CNTN4: variants seen among roughly 807,000 people sequenced by gnomAD.
CNTN4 encodes contactin 4.
CNTN4 carries 77 observed loss-of-function variants against 122.5 expected under a neutral mutation model. That is an observed-to-expected ratio of 0.63 (90% CI 0.52 to 0.76). CNTN4 has a LOEUF of 0.76. Among genes scored for constraint, CNTN4 ranks in the 30% least tolerant of loss-of-function variants. The pLI is 0.00. For missense variants in CNTN4, 1,256 were observed against 1,259.1 expected (o/e 1.00, Z 0.04); for synonymous variants, 512 against 447.0 (o/e 1.15, Z -1.83).
chr3:2,912,864 A>T (rs952629745), intron 12 of CNTN4, among the ~76,000 whole-genome samples: 4 of 152,204 alleles, frequency 2.6e-5, no homozygotes, highest in South Asian at 2.1e-4. Context: ...AATAAAGGAA[A>T]CACAAGGCTG....
intron 2 of CNTN4, among the ~76,000 whole-genome samples, chr3:2,275,377 ACTAT>A (rs1222212134): frequency 6.6e-6 from 1 of 152,182 alleles, no homozygotes; most frequent in African/African-American, 2.4e-5. Context: ...CATCCTCATA[ACTAT>A]CTTTTATCGG....
chr3:2,168,817 G>C (rs981858869), intron 2 of CNTN4, among the ~76,000 whole-genome samples: 1 of 152,116 alleles, frequency 6.6e-6, no homozygotes, highest in African/African-American at 2.4e-5. Flanking sequence ...CTTGCAAGCA[G>C]ATTTGGTGAT....
chr3:2,572,813 G>T (rs1346262053), intron 4 of CNTN4, among the ~76,000 whole-genome samples: 1 of 152,096 alleles, frequency 6.6e-6, no homozygotes, highest in Non-Finnish European at 1.5e-5. Context: ...TCTATTAACT[G>T]AGTGCTGTAA....
chr3:2,450,178 C>A (rs72622134), intron 3 of CNTN4, among the ~76,000 whole-genome samples: 4,306 of 152,042 alleles, frequency 0.028, 127 homozygotes, highest in East Asian at 0.15. Flanking sequence ...ACCCTCCTGG[C>A]AATATGACAA....
intron 14 of CNTN4, among the ~76,000 whole-genome samples, chr3:3,002,832 G>A (rs1696183201): frequency 1.3e-5 from 2 of 152,170 alleles, no homozygotes; most frequent in South Asian, 4.1e-4. Context: ...TTTTTCATGT[G>A]CAAGAGATTT....
At chr3:2,126,848 G>C (rs964034601) in intron 2 of CNTN4, among the ~76,000 whole-genome samples, 6 of 152,220 alleles carry the variant, frequency 3.9e-5, no homozygotes, top group African/African-American at 1.4e-4. Context: ...TAGAAATAAA[G>C]AGACGAGAAA....
intron 4 of CNTN4, among the ~76,000 whole-genome samples, chr3:2,586,542 C>T (rs1457922478): frequency 6.6e-6 from 1 of 152,190 alleles, no homozygotes; most frequent in African/African-American, 2.4e-5. Flanking sequence ...CTGCCCGCCT[C>T]AGCCTCCCAA....
In CNTN4 at chr3:2,417,270, CAGTT is replaced by C. The variant is rs764339714; in HGVS notation, c.-89+78038_-89+78041del. ...AACTGCTGGACTGTATCATCGTAGACAGTTGGTGAAAAATTCTAGACCAGAATCC... is the reference window on the plus strand; with the variant it reads ...AACTGCTGGACTGTATCATCGTAGACGGTGAAAAATTCTAGACCAGAATCC... On this transcript the variant is annotated intron_variant, in intron 3 of 24. Transcript: ENST00000418658. Among the ~76,000 whole-genome samples the C allele has an allele frequency of 7.2e-5, 11 of 152,308 alleles. No homozygotes were observed. In the East Asian group the frequency reaches 1.5e-3, roughly 21 times the overall value.
At chr3:2,362,940 A>T (rs2045218661) in intron 3 of CNTN4, among the ~76,000 whole-genome samples, 1 of 152,134 alleles carries the variant, frequency 6.6e-6, no homozygotes, top group African/African-American at 2.4e-5. Flanking sequence ...TAAATAAAGC[A>T]ATTGAAGAAC....
At position 2,709,026 on chromosome 3, in the gene CNTN4, A is replaced by G. The variant is rs2086933231; in HGVS notation, c.56-27189A>G. Among the ~76,000 whole-genome samples, 1 of 152,152 alleles carries G rather than the reference A, an allele frequency of 6.6e-6. No homozygotes were observed. Among genetic ancestry groups the G allele is most frequent in the African/African-American group, 2.4e-5 (1 of 41,414 alleles). ...GTTGCTACTTGGATCTTCAGAATAC[A>G]TGATATATCTCTTCTCAGATATCTC... On this transcript the variant is annotated intron_variant, in intron 4 of 24. Coordinates refer to ENST00000418658, the MANE Select transcript of CNTN4 (RefSeq NM_175607.3). This position sits in a 1 kb window ranked among gnomAD's most constrained non-coding sequence, Gnocchi z 5.0.
chr3:2,246,983 T>C (rs1402333642), intron 2 of CNTN4, among the ~76,000 whole-genome samples: 1 of 152,036 alleles, frequency 6.6e-6, no homozygotes, highest in Non-Finnish European at 1.5e-5. Flanking sequence ...AGGGCGTGGA[T>C]GTGAACAGCA....
intron 5 of CNTN4, among the ~76,000 whole-genome samples, chr3:2,744,709 G>A (rs1010983303): frequency 2.6e-5 from 4 of 152,184 alleles, no homozygotes; most frequent in African/African-American, 4.8e-5. Flanking sequence ...CTTTGGAATG[G>A]TATTGGTTGT....
At chr3:3,047,669 A>G (rs1016382088) in intron 23 of CNTN4, among the ~76,000 whole-genome samples, 7 of 150,078 alleles carry the variant, frequency 4.7e-5, no homozygotes, top group African/African-American at 4.9e-5. Context: ...CCCACAAGAG[A>G]AAGCAGGAAA....
At chr3:3,003,211 T>A (rs1366744834) in intron 14 of CNTN4, among the ~76,000 whole-genome samples, 1 of 152,164 alleles carries the variant, frequency 6.6e-6, no homozygotes, top group Non-Finnish European at 1.5e-5. Flanking sequence ...TTTCAGTATA[T>A]AAAATGTTTT....
intron 2 of CNTN4, among the ~76,000 whole-genome samples, chr3:2,241,497 T>C (rs1349638030): frequency 2.0e-5 from 3 of 152,216 alleles, no homozygotes; most frequent in Non-Finnish European, 4.4e-5. Context: ...TTTCTAGGGA[T>C]ACCCCTTCCT....
At chr3:2,551,909 G>A (rs1030761616) in intron 3 of CNTN4, among the ~76,000 whole-genome samples, 1 of 152,096 alleles carries the variant, frequency 6.6e-6, no homozygotes, top group African/African-American at 2.4e-5. Context: ...TAGAGAAACA[G>A]TGAAGTATCA....
chr3:2,149,614 A>G (rs1354653754), intron 2 of CNTN4, among the ~76,000 whole-genome samples: 1 of 152,180 alleles, frequency 6.6e-6, no homozygotes, highest in Non-Finnish European at 1.5e-5. Context: ...TGCTATGTAG[A>G]TACTACTCTA....
chr3:2,969,519 T>TATTATTATGATG (rs200353375), intron 13 of CNTN4, among the ~76,000 whole-genome samples: 18 of 151,440 alleles, frequency 1.2e-4, no homozygotes, highest in African/African-American at 4.1e-4. Flanking sequence ...AAATTGGGAT[T>TATTATTATGATG]ATTATTATTA....
chr3:2,791,358 C>A lies in CNTN4; in HGVS notation c.359-28128C>A, dbSNP rs762527160. On this transcript the variant is annotated intron_variant, in intron 6 of 24. Transcript: ENST00000418658. The stretch of plus-strand genomic sequence containing the variant: ...ACTAACCTGTGCAACATGGCGAAAC[C>A]CTGTCTCTACAAAAAATACAAAAAA... 5.1e-4 allele frequency among the ~76,000 whole-genome samples: 78 copies of A among 152,052 alleles called. 1 individual carries two copies. In the Middle Eastern group the frequency reaches 0.021, roughly 40 times the overall value.
Sources: gnomAD v4.1 joint callset for allele counts (sites outside exome capture counted in the v4.1 genomes callset) on GRCh38, gnomAD v4.1.1 for gene constraint, Gnocchi (gnomAD v3.1) non-coding constraint, MANE v1.5 for transcripts, NCBI Gene and HGNC (gene_info 2026-07-23, HGNC 2026-07-21) for gene names.